ITSN2: variants seen among roughly 807,000 people sequenced by gnomAD.
ITSN2 encodes intersectin 2.
ITSN2 carries 156 observed loss-of-function variants against 243.7 expected under a neutral mutation model. The ratio of observed to expected loss-of-function variants is 0.64; its 90% CI spans 0.56 to 0.73. The LOEUF (loss-of-function observed/expected upper bound fraction) is 0.73, where lower values mean the gene tolerates loss of function less well. ITSN2 is among the 30% of genes least tolerant of loss of function. ITSN2 has a pLI of 0.00. For synonymous variants in ITSN2, 703 were observed against 699.9 expected (o/e 1.00, Z -0.07); for missense variants, 1,801 against 1,996.1 (o/e 0.90, Z 1.86).
intron 1 of ITSN2, among the ~76,000 whole-genome samples, chr2:24,334,311 G>A (rs529901040): frequency 6.6e-5 from 10 of 152,006 alleles, no homozygotes; most frequent in Non-Finnish European, 1.3e-4. Context: ...CGCCCGCCTC[G>A]GCTTCCCAAA....
In ITSN2 at chr2:24,261,433, AC is replaced by A. The variant is rs1437262763; in HGVS notation, c.2537+127del. ...ACTAAATTTCAGTATTAAATCTGGAACAAAAAGTAGTCTTGAAGAGTACAAC... is the reference window on the plus strand; with the variant it reads ...ACTAAATTTCAGTATTAAATCTGGAAAAAAAGTAGTCTTGAAGAGTACAAC... On this transcript the variant is annotated intron_variant, in intron 21 of 39. Transcript: ENST00000355123. 10 of 930,854 alleles carry A rather than the reference AC, an allele frequency of 1.1e-5. No homozygotes were observed. In the Admixed American group the frequency reaches 2.6e-4, roughly 24 times the overall value. 57.7% of individuals were successfully genotyped at this position (930,854 alleles called of 1,614,324 possible).
chr2:24,228,708 T>G (rs1219370489), intron 29 of ITSN2, among the ~76,000 whole-genome samples: 1 of 151,892 alleles, frequency 6.6e-6, no homozygotes, highest in Non-Finnish European at 1.5e-5. Flanking sequence ...ACAAAGAAAC[T>G]TGATCAGTGC....
At chr2:24,284,685 G>T (rs960649196) in intron 17 of ITSN2, 78 bp downstream of exon 17, 38 of 832,514 alleles carry the variant, frequency 4.6e-5, no homozygotes, top group Non-Finnish European at 7.1e-5. Flanking sequence ...CTCAGATAAA[G>T]GCAAAGAATA....
chr2:24,218,688 A>G (rs1357662083), intron 30 of ITSN2, among the ~76,000 whole-genome samples: 6 of 152,316 alleles, frequency 3.9e-5, no homozygotes, highest in African/African-American at 1.4e-4. Flanking sequence ...TGACCTATGA[A>G]GAAATAAAGG....
intron 29 of ITSN2, among the ~76,000 whole-genome samples, chr2:24,230,596 C>T (rs1008339912): frequency 9.2e-5 from 14 of 151,972 alleles, no homozygotes; most frequent in Admixed American, 4.6e-4. Flanking sequence ...GGTGGAACCC[C>T]GTCTCTACTA....
chr2:24,341,930 A>C (rs1322248724), intron 1 of ITSN2, among the ~76,000 whole-genome samples: 1 of 152,202 alleles, frequency 6.6e-6, no homozygotes, highest in African/African-American at 2.4e-5. Context: ...TTTAGGTGAC[A>C]GAACAAAACT....
At chr2:24,322,445 T>C (rs1684686163) in intron 2 of ITSN2, among the ~76,000 whole-genome samples, 1 of 152,194 alleles carries the variant, frequency 6.6e-6, no homozygotes, top group Non-Finnish European at 1.5e-5. Flanking sequence ...CACAAATATA[T>C]TGTCCATTGA....
At chr2:24,274,413 T>A (rs964236284) in intron 18 of ITSN2, among the ~76,000 whole-genome samples, 8 of 151,888 alleles carry the variant, frequency 5.3e-5, no homozygotes, top group African/African-American at 1.9e-4. Flanking sequence ...CTATTAAAAT[T>A]CAAAAAAAAT....
chr2:24,205,165 A>C, intron 38 of ITSN2, 49 bp downstream of exon 38: 2 of 1,514,232 alleles, frequency 1.3e-6, no homozygotes, highest in South Asian at 2.3e-5. Context: ...ATCAGCAAAA[A>C]CTGGGGCAGG....
At chr2:24,242,904 A>C (rs1672902070) in intron 29 of ITSN2, among the ~76,000 whole-genome samples, 1 of 152,234 alleles carries the variant, frequency 6.6e-6, no homozygotes, top group Non-Finnish European at 1.5e-5. Context: ...GAAACAAGGT[A>C]ATAGGTAAGT....
chr2:24,258,075 A>C lies in ITSN2; in HGVS notation c.2701T>G (p.Leu901Val). 6.2e-7 allele frequency: 1 copy of C among 1,613,956 alleles called. No homozygotes were observed. The highest frequency in any genetic ancestry group is 1.1e-5 in the South Asian group (1 of 91,056). The change falls in exon 23 of 40, where the codon TTA becomes GTA. Residue 901 changes from leucine to valine, a missense_variant. Around this residue, in one of 5 missense-constraint regions of ITSN2, gnomAD observed 928 missense variants for 1,065.4 expected, o/e 0.87. Coordinates refer to ENST00000355123, the MANE Select transcript of ITSN2 (RefSeq NM_006277.3). ...CAGGAACAAAGGGCCTGTGCTTTTA[A>C]GTTTTCTACCACTTGTCCCTATGAA... ...IHGQGQVVENLKAQALCSWTA... is the reference protein window; with the variant it reads ...IHGQGQVVENVKAQALCSWTA...
intron 14 of ITSN2, among the ~76,000 whole-genome samples, chr2:24,294,081 T>C (rs964342377): frequency 3.9e-5 from 6 of 152,312 alleles, no homozygotes; most frequent in South Asian, 2.1e-4. Flanking sequence ...CTGCGCTAGA[T>C]GGTATGTGTA....
intron 29 of ITSN2, among the ~76,000 whole-genome samples, chr2:24,223,859 A>G (rs141822979): frequency 1.4e-3 from 2 of 1,442 alleles, no homozygotes; most frequent in Admixed American, 0.018. Context: ...AGAAAGAAAG[A>G]AAGGAAAGAA....
intron 1 of ITSN2, among the ~76,000 whole-genome samples, chr2:24,333,822 G>C (rs114851839): frequency 3.9e-5 from 6 of 152,058 alleles, no homozygotes; most frequent in East Asian, 1.9e-4. Context: ...TTTTACAAAC[G>C]GTCAGTAAGA....
chr2:24,327,647 T>C (rs1162870345), intron 2 of ITSN2, among the ~76,000 whole-genome samples: 3 of 152,162 alleles, frequency 2.0e-5, no homozygotes, highest in African/African-American at 4.8e-5. Flanking sequence ...TATGCAGGCA[T>C]ACATAATCTT....
intron 37 of ITSN2, chr2:24,206,259 A>T: frequency 2.3e-6 from 1 of 436,494 alleles, no homozygotes; most frequent in Non-Finnish European, 4.6e-6. Context: ...AGGAGTATAT[A>T]ACAAAATGGG....
intron 1 of ITSN2, chr2:24,330,340 A>G (rs1322640439): frequency 2.1e-6 from 1 of 483,848 alleles, no homozygotes; most frequent in Non-Finnish European, 3.9e-6. Context: ...CGGACTGACC[A>G]AAGCCTGCAT....
intron 12 of ITSN2, 91 bp from the exon 13 acceptor site, chr2:24,298,905 G>GT: frequency 8.3e-7 from 1 of 1,204,072 alleles, no homozygotes. Flanking sequence ...GTCAGGCAGA[G>GT]TTTAGCACTT....
In ITSN2 at chr2:24,300,141, T is replaced by C. The variant is rs371731551; in HGVS notation, c.1112A>G (p.Tyr371Cys). 63 of 1,614,050 alleles carry C rather than the reference T, an allele frequency of 3.9e-5. No individual in the cohort carries two copies. Among genetic ancestry groups the C allele is most frequent in the Non-Finnish European group, 3.9e-5 (46 of 1,180,040 alleles). Residue 371 changes from tyrosine (Y) to cysteine (C), a missense_variant, in exon 12 of 40, where the codon TAT (tyrosine) becomes TGT (cysteine). Around this residue, in one of 5 missense-constraint regions of ITSN2, gnomAD observed 787 missense variants for 803.9 expected, o/e 0.98. Coordinates refer to ENST00000355123, the MANE Select transcript of ITSN2 (RefSeq NM_006277.3). ...TTCCAGCTCCATGTTCCCTCGCTCA[T>C]AGTTGGCTTTCCGTTTGTCCTCAAA... ...VTFEDKRKAN[Y>C]ERGNMELEKR...
Sources: gnomAD v4.1 joint callset for allele counts (sites outside exome capture counted in the v4.1 genomes callset) on GRCh38, gnomAD v4.1.1 for gene constraint, gnomAD v4.1.1 regional missense constraint, MANE v1.5 for transcripts, NCBI Gene and HGNC (gene_info 2026-07-23, HGNC 2026-07-21) for gene names.